Variants in ELAVL2 observed in about 807,000 individuals in gnomAD.
ELAVL2 encodes ELAV like RNA binding protein 2.
In ELAVL2, 4 loss-of-function variants were observed where a neutral mutation model predicts 34.6. The observed-to-expected ratio is 0.12, with a 90% CI of 0.06 to 0.26. The LOEUF is 0.26. Among genes scored for constraint, ELAVL2 ranks in the 10% least tolerant of loss-of-function variants. ELAVL2 has a pLI of 1.00. For synonymous variants in ELAVL2, 193 were observed against 154.8 expected (o/e 1.25, Z -1.83); for missense variants, 432 against 442.8 (o/e 0.98, Z 0.22).
At chr9:23,732,138 A>T (rs1255668897) in intron 2 of ELAVL2, among the ~76,000 whole-genome samples, 1 of 152,206 alleles carries the variant, frequency 6.6e-6, no homozygotes, top group Non-Finnish European at 1.5e-5. Flanking sequence ...CAGATGCCCA[A>T]GGACGGTCCA....
chr9:23,828,916 C>G (rs1228492295), upstream of ELAVL2, among the ~76,000 whole-genome samples: 1 of 152,136 alleles, frequency 6.6e-6, no homozygotes, highest in African/African-American at 2.4e-5. Flanking sequence ...AAATTCATGT[C>G]TCATAGCTTG....
intron 2 of ELAVL2, among the ~76,000 whole-genome samples, chr9:23,752,323 A>G (rs916408579): frequency 1.3e-5 from 2 of 152,188 alleles, no homozygotes; most frequent in Non-Finnish European, 2.9e-5. Flanking sequence ...CTCTAAGATT[A>G]GTGTCCAGTA....
chr9:23,698,057 G>T (rs531600087), intron 5 of ELAVL2, among the ~76,000 whole-genome samples: 1 of 152,096 alleles, frequency 6.6e-6, no homozygotes, highest in African/African-American at 2.4e-5. Context: ...CAACCAGTAC[G>T]TCATGCCTTA....
Position 23,705,043 on chromosome 9 carries a change from G to A in ELAVL2, c.362C>T (p.Ser121Phe). 6.2e-7 allele frequency: 1 copy of A among 1,614,126 alleles called. No homozygotes were observed. Among genetic ancestry groups the A allele is most frequent in the Non-Finnish European group, 8.5e-7 (1 of 1,179,996 alleles). ...GACATATAAATTTGCATCTCTGATAGAAGCTGAACTTGGGCGAGCATAGGA... is the reference window on the plus strand; with the variant it reads ...GACATATAAATTTGCATCTCTGATAAAAGCTGAACTTGGGCGAGCATAGGA... ...KVSYARPSSASIRDANLYVSG... is the reference protein window; with the variant it reads ...KVSYARPSSAFIRDANLYVSG... The change falls in exon 4 of 7, where the codon TCT (serine) becomes TTT (phenylalanine). Residue 121 changes from serine to phenylalanine, a missense_variant. Around this residue, in one of 3 missense-constraint regions of ELAVL2, gnomAD observed 295 missense variants for 306.1 expected, o/e 0.96. Coordinates refer to ENST00000397312, the MANE Select transcript of ELAVL2 (RefSeq NM_004432.5).
At chr9:23,844,336 G>C in the ELAVL2 span, among the ~76,000 whole-genome samples, 1 of 152,042 alleles carries the variant, frequency 6.6e-6, no homozygotes, top group East Asian at 1.9e-4. Context: ...AACCCAGTAA[G>C]CATGTAATGA....
At chr9:23,827,179 C>T (rs1322664386), upstream of ELAVL2, among the ~76,000 whole-genome samples, 1 of 152,214 alleles carries the variant, frequency 6.6e-6, no homozygotes, top group Non-Finnish European at 1.5e-5. Context: ...CAGGTACAGT[C>T]CTTGGACCAC....
At chr9:23,833,581 A>G in the ELAVL2 span, among the ~76,000 whole-genome samples, 1 of 151,866 alleles carries the variant, frequency 6.6e-6, no homozygotes. Context: ...TTATGAACAT[A>G]AAATCTTTTA....
rs1165188337 is a variant in ELAVL2 at position 23,698,797 on chromosome 9, A to G, written c.713+2582T>C. Among the ~76,000 whole-genome samples, 5 of 152,322 alleles carry G rather than the reference A, an allele frequency of 3.3e-5. No individual in the cohort carries two copies. In the East Asian group the frequency reaches 9.7e-4, roughly 29 times the overall value. ...AGATAATGACAACCAGGTTCAATAT[A>G]CTGTATTAAAGAAAAGCATCAAACA... On this transcript the variant is annotated intron_variant, in intron 5 of 6. Coordinates refer to ENST00000397312, the MANE Select transcript of ELAVL2 (RefSeq NM_004432.5).
At chr9:23,699,450 CA>C (rs1196159315) in intron 5 of ELAVL2, among the ~76,000 whole-genome samples, 6 of 152,144 alleles carry the variant, frequency 3.9e-5, no homozygotes, top group African/African-American at 1.4e-4. Flanking sequence ...TTTCCACTAA[CA>C]GCAAACATTT....
At chr9:23,821,914 G>A (rs1403916057) in intron 1 of ELAVL2, 1 of 151,196 alleles carries the variant, frequency 6.6e-6, no homozygotes, top group East Asian at 2.0e-4. Context: ...GCGAGTTCGC[G>A]GCGCCGCGGC....
At chr9:23,733,478 C>G (rs1272126581) in intron 2 of ELAVL2, among the ~76,000 whole-genome samples, 3 of 152,172 alleles carry the variant, frequency 2.0e-5, no homozygotes, top group Non-Finnish European at 2.9e-5. Context: ...CTAGCTGGGG[C>G]TACAACGGGG....
chr9:23,837,667 G>T, the ELAVL2 span, among the ~76,000 whole-genome samples: 1 of 152,022 alleles, frequency 6.6e-6, no homozygotes, highest in Non-Finnish European at 1.5e-5. Flanking sequence ...TACCTTTAAG[G>T]TACTTCCAGA....
chr9:23,801,423 T>C (rs2061554078), intron 1 of ELAVL2, among the ~76,000 whole-genome samples: 1 of 152,170 alleles, frequency 6.6e-6, no homozygotes, highest in Non-Finnish European at 1.5e-5. Flanking sequence ...ATTCAATAAA[T>C]ATTAAGCTCT....
chr9:23,781,119 G>A (rs753312566), intron 1 of ELAVL2, among the ~76,000 whole-genome samples: 1 of 152,096 alleles, frequency 6.6e-6, no homozygotes, highest in African/African-American at 2.4e-5. Context: ...CTCTGCTAGC[G>A]AACAGGGTTA....
intron 1 of ELAVL2, among the ~76,000 whole-genome samples, chr9:23,822,645 AC>A (rs2064978915): frequency 6.6e-6 from 1 of 152,216 alleles, no homozygotes; most frequent in African/African-American, 2.4e-5. Flanking sequence ...GCACGTTTTT[AC>A]ACCTGCTCGG....
At chr9:23,836,293 C>T in the ELAVL2 span, among the ~76,000 whole-genome samples, 1 of 152,136 alleles carries the variant, frequency 6.6e-6, no homozygotes, top group Non-Finnish European at 1.5e-5. Context: ...GCATTACAGA[C>T]TGTTTAAGCT....
intron 2 of ELAVL2, among the ~76,000 whole-genome samples, chr9:23,743,445 G>A (rs865873937): frequency 3.6e-4 from 55 of 152,130 alleles, no homozygotes; most frequent in African/African-American, 1.3e-3. Flanking sequence ...CCTAGACAAT[G>A]ATTCATTAGG....
intron 3 of ELAVL2, among the ~76,000 whole-genome samples, chr9:23,728,564 G>T (rs1347983720): frequency 6.6e-6 from 1 of 152,066 alleles, no homozygotes; most frequent in Non-Finnish European, 1.5e-5. Context: ...CGAGTAAAGT[G>T]GTGCTGTGTA....
chr9:23,787,310 A>G (rs1408564276), intron 1 of ELAVL2, among the ~76,000 whole-genome samples: 1 of 149,836 alleles, frequency 6.7e-6, no homozygotes, highest in African/African-American at 2.5e-5. Flanking sequence ...CCCAGGCTGG[A>G]GTGCAATGGC....
Sources: allele counts gnomAD v4.1 joint callset (sites outside exome capture counted in the v4.1 genomes callset), GRCh38; gene constraint gnomAD v4.1.1; regional missense constraint gnomAD v4.1.1; transcripts MANE v1.5; gene names NCBI Gene and HGNC (gene_info 2026-07-23, HGNC 2026-07-21).